Variants in ZNF486 observed in about 807,000 individuals in gnomAD.
ZNF486 encodes the protein zinc finger protein 486.
ZNF486 carries 12 observed loss-of-function variants against 12.8 expected under a neutral mutation model. The observed-to-expected ratio is 0.94, with a 90% confidence interval of 0.60 to 1.52. The LOEUF (loss-of-function observed/expected upper bound fraction) is 1.52. Ranked by LOEUF, ZNF486 falls within the 40% of genes most tolerant of loss-of-function variation. The pLI is 0.00. For synonymous variants in ZNF486, 231 were observed against 184.9 expected, an observed-to-expected ratio of 1.25 and a Z score of -2.02; for missense variants, 738 against 545.0, an observed-to-expected ratio of 1.35 and a Z score of -3.53.
chr19:20,192,013 TATAG>T (rs1214263587), intron 3 of ZNF486, among the ~76,000 whole-genome samples: 2 of 152,180 alleles, frequency 1.3e-5, no homozygotes, highest in East Asian at 1.9e-4. Context: ...CACATATACA[TATAG>T]ATAGATAAAT....
Position 20,197,975 on chromosome 19 carries a change from CTGAACA to C in ZNF486, c.1267_1272del (p.Glu423_His424del), listed in dbSNP as rs1372514304. The C allele has an allele frequency of 6.2e-7, 1 of 1,613,480 alleles. No homozygotes were observed. Among genetic ancestry groups the C allele is most frequent in the Non-Finnish European group, 8.5e-7 (1 of 1,179,748 alleles). Reference sequence around the variant, plus strand: ...GCGTATACTACATCCTCAAATCTAACTGAACATAAGACAACTCATACTGGAGAGAAA... The same window carrying C: ...GCGTATACTACATCCTCAAATCTAACTAAGACAACTCATACTGGAGAGAAA... On this transcript the variant is annotated inframe_deletion, in exon 4 of 4. Coordinates refer to ENST00000335117, the MANE Select transcript of ZNF486 (RefSeq NM_052852.4).
intron 1 of ZNF486, among the ~76,000 whole-genome samples, chr19:20,177,242 G>A (rs912261864): frequency 6.6e-6 from 1 of 152,232 alleles, no homozygotes; most frequent in Non-Finnish European, 1.5e-5. Context: ...TGAGTACAGA[G>A]CCACTCCTCT....
chr19:20,191,462 C>CA (rs35968267), intron 3 of ZNF486, among the ~76,000 whole-genome samples: 8,603 of 97,262 alleles, frequency 0.088, 819 homozygotes, highest in African/African-American at 0.25. Flanking sequence ...GAGATTCCTT[C>CA]AAAAAAAAAA....
At position 20,197,207 on chromosome 19, in the gene ZNF486, T is replaced by C. The variant is rs940939903; in HGVS notation, c.497T>C (p.Phe166Ser). Residue 166 changes from phenylalanine (F) to serine (S), a missense_variant, in exon 4 of 4, where the codon TTT becomes TCT. Transcript: ENST00000335117. The part of the protein sequence containing the change: ...CGKYVKVFHQ[F>S]SNSKRHKRRH... ...AAATATGTGAAAGTCTTTCATCAAT[T>C]TTCAAATTCAAAGAGACATAAAAGA... The C allele has an allele frequency of 1.2e-6, 2 of 1,613,066 alleles. No individual in the cohort carries two copies. The highest frequency in any genetic ancestry group is 1.7e-6 in the Non-Finnish European group (2 of 1,179,770).
intron 1 of ZNF486, among the ~76,000 whole-genome samples, chr19:20,174,262 C>T (rs1481215714): frequency 6.6e-6 from 1 of 152,194 alleles, no homozygotes. Context: ...AGTGCGTAAA[C>T]TGAACAGTGG....
chr19:20,175,313 G>C lies in ZNF486; in HGVS notation c.30+7953G>C, dbSNP rs921855414. On this transcript the variant is annotated intron_variant, in intron 1 of 3. Coordinates refer to ENST00000335117, the MANE Select transcript of ZNF486 (RefSeq NM_052852.4). Reference sequence around the variant, plus strand: ...TTTCTCTCCAGTGCTTTGGGTGTCTGTTTCAGAAGCCCTATTAATTTTTTT... The same window carrying C: ...TTTCTCTCCAGTGCTTTGGGTGTCTCTTTCAGAAGCCCTATTAATTTTTTT... 4.2e-5 allele frequency: 6 copies of C among 141,220 alleles called. No individual in the cohort carries two copies. In the South Asian group the frequency reaches 1.4e-3, roughly 33 times the overall value. 8.7% of individuals were successfully genotyped at this position (141,220 alleles called of 1,614,324 possible).
At chr19:20,176,114 C>A in intron 1 of ZNF486, 1 of 179,496 alleles carries the variant, frequency 5.6e-6, no homozygotes, top group Non-Finnish European at 1.2e-5. Flanking sequence ...TCAGATGGGG[C>A]GGCCAGGCAG....
chr19:20,187,169 T>C (rs1779338554), intron 3 of ZNF486, among the ~76,000 whole-genome samples: 2 of 152,080 alleles, frequency 1.3e-5, no homozygotes, highest in African/African-American at 4.8e-5. Flanking sequence ...AATAAGATTT[T>C]TTTCTTCCTC....
chr19:20,186,917 A>G (rs1184200328), intron 3 of ZNF486, among the ~76,000 whole-genome samples: 4 of 150,272 alleles, frequency 2.7e-5, no homozygotes, highest in Admixed American at 2.0e-4. Context: ...TGTGTAGCTG[A>G]GATTACAGGT....
At chr19:20,171,534 T>C (rs1483773663) in intron 1 of ZNF486, among the ~76,000 whole-genome samples, 1 of 152,214 alleles carries the variant, frequency 6.6e-6, no homozygotes, top group Non-Finnish European at 1.5e-5. Context: ...CCCCAGACAC[T>C]GAATCTGCAG....
rs28690849 is a variant in ZNF486, at chr19:20,178,005, C to A, written c.31-6351C>A. Among the ~76,000 whole-genome samples the A allele has an allele frequency of 6.4e-3, 963 of 150,388 alleles. 7 individuals carry two copies. Among genetic ancestry groups the A allele is most frequent in the African/African-American group, 0.023 (916 of 40,498 alleles). On this transcript the variant is annotated intron_variant, in intron 1 of 3. Transcript: ENST00000335117. ...ATGGCGCAAACTTGGCTCGCTGCAA[C>A]CTCTGCCTCCTGGGTTCAAGAGATT... is the stretch of plus-strand genomic sequence containing the variant.
intron 1 of ZNF486, among the ~76,000 whole-genome samples, chr19:20,183,679 A>G (rs562312896): frequency 4.3e-5 from 6 of 139,110 alleles, no homozygotes; most frequent in South Asian, 4.4e-4. Flanking sequence ...CACTATAGAG[A>G]TAATTATTTT....
Position 20,197,123 on chromosome 19 carries a change from G to A in ZNF486, c.413G>A (p.Gly138Asp). 2 of 1,613,810 alleles carry A rather than the reference G, an allele frequency of 1.2e-6. No individual in the cohort carries two copies. The highest frequency in any genetic ancestry group is 2.2e-5 in the East Asian group (1 of 44,848). Residue 138 changes from glycine (G) to aspartate (D), a missense_variant, in exon 4 of 4, where the codon GGT becomes GAT. By Grantham distance (94) the Gly-to-Asp change is moderately conservative. Transcript: ENST00000335117. ...SVDECKLHKR[G>D]YNGLNQCLTT... ...GATGAGTGTAAGTTACACAAAAGAG[G>A]TTATAATGGACTTAACCAATGTTTG... is the stretch of plus-strand genomic sequence containing the variant.
chr19:20,184,003 T>C lies in ZNF486; in HGVS notation c.31-353T>C, dbSNP rs548764705. On this transcript the variant is annotated intron_variant, in intron 1 of 3. Transcript: ENST00000335117. Reference sequence around the variant, plus strand: ...ATTGTACATGTTAAAATTGGAGAGATGACTTCTAACTCAACATGTCTTTTC... The same window carrying C: ...ATTGTACATGTTAAAATTGGAGAGACGACTTCTAACTCAACATGTCTTTTC... Among the ~76,000 whole-genome samples the C allele has an allele frequency of 3.9e-5, 6 of 152,322 alleles. No homozygotes were observed. In the East Asian group the frequency reaches 9.6e-4, roughly 24 times the overall value.
At chr19:20,173,448 T>A (rs2089671815) in intron 1 of ZNF486, among the ~76,000 whole-genome samples, 1 of 152,130 alleles carries the variant, frequency 6.6e-6, no homozygotes, top group Admixed American at 6.6e-5. Flanking sequence ...AACATCTTTC[T>A]CTCTTCTGGT....
chr19:20,181,294 C>T (rs1256205570), intron 1 of ZNF486, among the ~76,000 whole-genome samples: 3 of 152,036 alleles, frequency 2.0e-5, no homozygotes, highest in Admixed American at 2.0e-4. Context: ...AATCCCAGCA[C>T]TTTGGGAGGC....
At chr19:20,178,384 C>CA (rs2089747210) in intron 1 of ZNF486, among the ~76,000 whole-genome samples, 1 of 152,076 alleles carries the variant, frequency 6.6e-6, no homozygotes, top group Non-Finnish European at 1.5e-5. Flanking sequence ...GCTGGGACTA[C>CA]AGGCTCCCAC....
intron 1 of ZNF486, among the ~76,000 whole-genome samples, chr19:20,178,368 T>C (rs1219562817): frequency 1.3e-5 from 2 of 152,022 alleles, no homozygotes; most frequent in African/African-American, 4.8e-5. Context: ...CTCAGCCTCC[T>C]GAATAGCTGG....
chr19:20,194,840 T>TTA (rs2089942388), intron 3 of ZNF486, among the ~76,000 whole-genome samples: 1 of 152,220 alleles, frequency 6.6e-6, no homozygotes, highest in Non-Finnish European at 1.5e-5. Context: ...GAAATTTTGC[T>TTA]TATATATGTG....
Sources: allele counts gnomAD v4.1 joint callset (sites outside exome capture counted in the v4.1 genomes callset), GRCh38; gene constraint gnomAD v4.1.1; transcripts MANE v1.5; gene names NCBI Gene and HGNC (gene_info 2026-07-23, HGNC 2026-07-21).